Variants in OR7A17 observed in about 807,000 individuals in gnomAD.
OR7A17 encodes the protein olfactory receptor family 7 subfamily A member 17.
For synonymous variants in OR7A17, 159 were observed against 142.1 expected, an observed-to-expected ratio of 1.12 and a Z score of -0.85; for missense variants, 366 against 365.5, an observed-to-expected ratio of 1.00 and a Z score of -0.01.
rs778307644 is a variant in OR7A17 at position 14,881,266 on chromosome 19, C to T, written c.90G>A (p.Leu30=). 36 of 1,613,908 alleles carry T rather than the reference C, an allele frequency of 2.2e-5. No homozygotes were observed. The East Asian group carries it at 6.5e-4, about 29-fold the overall frequency. The change falls in exon 3 of 3, where the codon CTG becomes CTA. Residue 30 remains leucine, a synonymous_variant. Transcript: ENST00000641113. The part of the protein sequence containing the change: ...EPELQPFLFG[L]FLSMYLVTVL... ...CAGTGACCAGGTACATGGACAGAAA[C>T]AGCCCAAAGAGGAAGGGCTGCAATT...
Position 14,878,517 on chromosome 19 carries a change from C to A in OR7A17, c.*1909G>T, listed in dbSNP as rs1000815249. On this transcript the variant is annotated 3_prime_UTR_variant, in exon 3 of 3. Transcript: ENST00000641113. ...GAAGGAGTCTTATTTGTGTGTAGCA[C>A]TGTAAATTTTTAAGCAGAAACAGTA... The A allele has an allele frequency of 6.6e-6, 1 of 152,156 alleles. No individual in the cohort carries two copies. Among genetic ancestry groups the A allele is most frequent in the African/African-American group, 2.4e-5 (1 of 41,434 alleles). 9.4% of individuals were successfully genotyped at this position (152,156 alleles called of 1,614,324 possible).
At position 14,881,023 on chromosome 19, in the gene OR7A17, G is replaced by T; in HGVS notation, c.333C>A (p.Asp111Glu). 1 of 1,614,188 alleles carries T rather than the reference G, an allele frequency of 6.2e-7. No homozygotes were observed. The highest frequency in any genetic ancestry group is 8.5e-7 in the Non-Finnish European group (1 of 1,180,042). The change falls in exon 3 of 3, where the codon GAC becomes GAA. Residue 111 changes from aspartate to glutamate, a missense_variant. By Grantham distance (45) the Asp-to-Glu change is conservative. Coordinates refer to ENST00000641113, the MANE Select transcript of OR7A17 (RefSeq NM_030901.2). Reference sequence around the variant, plus strand: ...AGGCCATCACAGCCAGGAGTAAGCTGTCTAACCCTCCAAAAAGTACAAAAA... The same window carrying T: ...AGGCCATCACAGCCAGGAGTAAGCTTTCTAACCCTCCAAAAAGTACAAAAA... ...MCFFVLFGGLDSLLLAVMAYD... is the reference protein window; with the variant it reads ...MCFFVLFGGLESLLLAVMAYD...
chr19:14,885,249 T>A (rs1025225167), intron 1 of OR7A17, among the ~76,000 whole-genome samples: 11 of 152,262 alleles, frequency 7.2e-5, no homozygotes, highest in Middle Eastern at 3.4e-3. Context: ...CCACTCCTAT[T>A]CAACATAGTG....
At chr19:14,883,333 G>T (rs934107181) in intron 1 of OR7A17, among the ~76,000 whole-genome samples, 3 of 152,084 alleles carry the variant, frequency 2.0e-5, no homozygotes, top group Non-Finnish European at 2.9e-5. Flanking sequence ...CCAGCTACTC[G>T]GGGGGCTGAG....
chr19:14,884,365 G>A (rs1256827606), intron 1 of OR7A17, among the ~76,000 whole-genome samples: 1 of 152,168 alleles, frequency 6.6e-6, no homozygotes, highest in Non-Finnish European at 1.5e-5. Context: ...GCTGAGTAGG[G>A]AGGTCACCTG....
rs748266470 is a variant in OR7A17, at chr19:14,881,356, CT to C, written c.-2del. On this transcript the variant is annotated 5_prime_UTR_variant, in exon 3 of 3. Coordinates refer to ENST00000641113, the MANE Select transcript of OR7A17 (RefSeq NM_030901.2). ...TCCCTGTGTCATTCTCTGGTTCCAT[CT>C]TTTTTTTTCTATTTATTTATTTATT... is the stretch of plus-strand genomic sequence containing the variant. The C allele has an allele frequency of 4.7e-5, 62 of 1,326,202 alleles. No homozygotes were observed. The highest frequency in any genetic ancestry group is 2.4e-4 in the South Asian group (10 of 42,424). The allele number at this position is 1,326,202 out of a possible 1,614,324, so 82.2% of individuals were successfully genotyped here. A position where few individuals can be genotyped will look rare whatever the true frequency, so the allele number is the denominator to read the frequency against.
rs542240428 is a variant in OR7A17 at position 14,883,845 on chromosome 19, G to C, written c.-294-1974C>G. Reference sequence around the variant, plus strand: ...TAATTTAATGATATCAAATGATTTAGTTTATTGGCAAAGACCTAGACATAA... The same window carrying C: ...TAATTTAATGATATCAAATGATTTACTTTATTGGCAAAGACCTAGACATAA... On this transcript the variant is annotated intron_variant, in intron 1 of 2. Coordinates refer to ENST00000641113, the MANE Select transcript of OR7A17 (RefSeq NM_030901.2). Among the ~76,000 whole-genome samples the C allele has an allele frequency of 1.1e-4, 16 of 152,282 alleles. No homozygotes were observed. The South Asian group carries it at 3.3e-3, about 32-fold the overall frequency.
At chr19:14,883,055 T>C (rs2045120025) in intron 1 of OR7A17, among the ~76,000 whole-genome samples, 1 of 152,232 alleles carries the variant, frequency 6.6e-6, no homozygotes, top group South Asian at 2.1e-4. Context: ...TCAGGGTCTT[T>C]GGGATTTGAA....
Position 14,880,945 on chromosome 19 carries a change from G to T in OR7A17, c.411C>A (p.Asn137Lys), listed in dbSNP as rs2045105921. ...GAACCAGGAGTCCACAGAGCCGAGGGTTCATGATGACTGTGTAGTGCAGAG... is the reference window on the plus strand; with the variant it reads ...GAACCAGGAGTCCACAGAGCCGAGGTTTCATGATGACTGTGTAGTGCAGAG... ...CHPLHYTVIM[N>K]PRLCGLLVLA... Residue 137 changes from asparagine to lysine, a missense_variant, in exon 3 of 3, where the codon AAC (asparagine) becomes AAA (lysine). Coordinates refer to ENST00000641113, the MANE Select transcript of OR7A17 (RefSeq NM_030901.2). 4.3e-6 allele frequency: 7 copies of T among 1,614,148 alleles called. No homozygotes were observed. Among genetic ancestry groups the T allele is most frequent in the Non-Finnish European group, 5.1e-6 (6 of 1,180,024 alleles).
chr19:14,881,009 G>A lies in OR7A17; in HGVS notation c.347C>T (p.Ala116Val). 4 of 1,614,180 alleles carry A rather than the reference G, an allele frequency of 2.5e-6. No individual in the cohort carries two copies. The South Asian group carries it at 4.4e-5, about 18-fold the overall frequency. The change falls in exon 3 of 3, where the codon GCT (alanine) becomes GTT (valine). Residue 116 changes from alanine to valine, a missense_variant. Ala to Val is a moderately conservative substitution (Grantham distance 64). Transcript: ENST00000641113. ...CACAAACCGATCATAGGCCATCACA[G>A]CCAGGAGTAAGCTGTCTAACCCTCC... ...LFGGLDSLLL[A>V]VMAYDRFVAI...
chr19:14,880,209 C>CA lies in OR7A17; in HGVS notation c.*216dup, dbSNP rs3030635. 9,159 of 171,070 alleles carry CA rather than the reference C, an allele frequency of 0.054. 263 individuals carry two copies. Among genetic ancestry groups the CA allele is most frequent in the Admixed American group, 0.094 (1,264 of 13,378 alleles). 10.6% of individuals were successfully genotyped at this position (171,070 alleles called of 1,614,324 possible). On this transcript the variant is annotated 3_prime_UTR_variant, in exon 3 of 3. Transcript: ENST00000641113. Reference sequence around the variant, plus strand: ...AAACATTGGGAAAGTAGGAAAATGACAAAAAAAAAAAAAAAAAAAAGATTG... The same window carrying CA: ...AAACATTGGGAAAGTAGGAAAATGACAAAAAAAAAAAAAAAAAAAAAGATTG...
In OR7A17 at chr19:14,880,595, G is replaced by T; in HGVS notation, c.761C>A (p.Thr254Lys). The T allele has an allele frequency of 3.1e-6, 5 of 1,614,100 alleles. No homozygotes were observed. The highest frequency in any genetic ancestry group is 1.7e-4 in the Middle Eastern group (1 of 6,060). Residue 254 changes from threonine to lysine, a missense_variant, in exon 3 of 3, where the codon ACG becomes AAG. Thr to Lys is a moderately conservative substitution (Grantham distance 78). Coordinates refer to ENST00000641113, the MANE Select transcript of OR7A17 (RefSeq NM_030901.2). ...AGAAGTAAGGTACACACCTAGGCCC[G>T]TACAACAAAATAAAGAGACAACTGA... ...HLSVVSLFCC[T>K]GLGVYLTSAA...
At chr19:14,882,555 A>G (rs1375686790) in intron 1 of OR7A17, among the ~76,000 whole-genome samples, 1 of 152,214 alleles carries the variant, frequency 6.6e-6, no homozygotes, top group African/African-American at 2.4e-5. Context: ...ATGGTTTCAG[A>G]AGATGTTGTG....
rs750857100 is a variant in OR7A17 at position 14,880,410 on chromosome 19, T to A, written c.*16A>T. The stretch of plus-strand genomic sequence containing the variant: ...AAAGCTCTGAAATCACAGTTATTTC[T>A]TGAAAAATGGCCCTTTTATTGCTTT... On this transcript the variant is annotated 3_prime_UTR_variant, in exon 3 of 3. Coordinates refer to ENST00000641113, the MANE Select transcript of OR7A17 (RefSeq NM_030901.2). 6.5e-7 allele frequency: 1 copy of A among 1,547,344 alleles called. No homozygotes were observed. The highest frequency in any genetic ancestry group is 1.2e-5 in the South Asian group (1 of 80,970).
rs1207817800 is a variant in OR7A17, at chr19:14,879,232, C to A, written c.*1194G>T. 1 of 151,558 alleles carries A rather than the reference C, an allele frequency of 6.6e-6. No homozygotes were observed. Among genetic ancestry groups the A allele is most frequent in the Admixed American group, 6.6e-5 (1 of 15,228 alleles). 9.4% of individuals were successfully genotyped at this position (151,558 alleles called of 1,614,324 possible). A position where few individuals can be genotyped will look rare whatever the true frequency, so the allele number is the denominator to read the frequency against. ...ATTCACACAAATTTATTTTTCTGTG[C>A]AGACTACACTTGAAGTGTGAATTTG... On this transcript the variant is annotated 3_prime_UTR_variant, in exon 3 of 3. Transcript: ENST00000641113.
chr19:14,880,577 A>G lies in OR7A17; in HGVS notation c.779T>C (p.Leu260Pro). ...LFCCTGLGVY[L>P]TSAATHNSHT... ...TGAGTTGTGGGTTGCAGCAGAAGTA[A>G]GGTACACACCTAGGCCCGTACAACA... is the stretch of plus-strand genomic sequence containing the variant. Residue 260 changes from leucine (L) to proline (P), a missense_variant, in exon 3 of 3, where the codon CTT becomes CCT. By Grantham distance (98) the Leu-to-Pro change is moderately conservative. Transcript: ENST00000641113. The G allele has an allele frequency of 1.9e-6, 3 of 1,614,194 alleles. No homozygotes were observed. Among genetic ancestry groups the G allele is most frequent in the Non-Finnish European group, 2.5e-6 (3 of 1,180,040 alleles).
chr19:14,883,127 A>G (rs539503244), intron 1 of OR7A17, among the ~76,000 whole-genome samples: 1 of 152,324 alleles, frequency 6.6e-6, no homozygotes, highest in Admixed American at 6.5e-5. Flanking sequence ...GTAACATGCA[A>G]TGTCCTTCCT....
In OR7A17 at chr19:14,879,971, A is replaced by T. The variant is rs117855970; in HGVS notation, c.*455T>A. On this transcript the variant is annotated 3_prime_UTR_variant, in exon 3 of 3. Coordinates refer to ENST00000641113, the MANE Select transcript of OR7A17 (RefSeq NM_030901.2). ...CTAAAATGCACACTCGTGTGGGGTA[A>T]AGTTTACATGACCAGGAAGAACACT... The T allele has an allele frequency of 0.014, 2,135 of 152,914 alleles. 31 individuals carry two copies. Among genetic ancestry groups the T allele is most frequent in the Non-Finnish European group, 0.018 (1,234 of 68,596 alleles). 9.5% of individuals were successfully genotyped at this position (152,914 alleles called of 1,614,324 possible).
intron 1 of OR7A17, among the ~76,000 whole-genome samples, chr19:14,883,006 C>T: frequency 6.6e-6 from 1 of 152,190 alleles, no homozygotes; most frequent in Non-Finnish European, 1.5e-5. Flanking sequence ...TCTCATTTCT[C>T]TTCTTTAATT....
Sources: gnomAD v4.1 joint callset for allele counts (sites outside exome capture counted in the v4.1 genomes callset) on GRCh38, gnomAD v4.1.1 for gene constraint, MANE v1.5 for transcripts, NCBI Gene and HGNC (gene_info 2026-07-23, HGNC 2026-07-21) for gene names.